Variants in SPAG16 observed in about 807,000 individuals in gnomAD.
SPAG16 encodes sperm associated antigen 16.
In SPAG16, 86 loss-of-function variants were observed where a neutral mutation model predicts 80.4. That is an observed-to-expected ratio of 1.07 (90% CI 0.90 to 1.28). The LOEUF is 1.28. SPAG16 is among the 50% of genes most tolerant of loss of function. SPAG16 has a pLI of 0.00. For missense variants in SPAG16, 870 were observed against 765.3 expected (o/e 1.14, Z -1.61); for synonymous variants, 294 against 265.9 (o/e 1.11, Z -1.03).
At chr2:214,302,039 A>T (rs577243446) in intron 15 of SPAG16, among the ~76,000 whole-genome samples, 1 of 152,156 alleles carries the variant, frequency 6.6e-6, no homozygotes, top group Non-Finnish European at 1.5e-5. Flanking sequence ...TTGTTTGCCC[A>T]AAAGTTATTC....
At chr2:213,284,665 G>A (rs761661221) in intron 1 of SPAG16, 46 bp downstream of exon 1, 23 of 1,584,546 alleles carry the variant, frequency 1.5e-5, no homozygotes, top group Admixed American at 8.7e-5. Context: ...GCGGGTAATG[G>A]GTGTTGGGAC....
At chr2:214,394,368 T>A (rs1701247101) in intron 15 of SPAG16, among the ~76,000 whole-genome samples, 2 of 152,190 alleles carry the variant, frequency 1.3e-5, no homozygotes, top group African/African-American at 4.8e-5. Flanking sequence ...TTATTTCATT[T>A]ACTTAAAATC....
At chr2:213,642,764 T>C (rs1485929566) in intron 10 of SPAG16, among the ~76,000 whole-genome samples, 1 of 37,882 alleles carries the variant, frequency 2.6e-5, no homozygotes, top group East Asian at 6.4e-4. Context: ...GAGCTTGCAG[T>C]GAGCCGAGAT....
chr2:213,912,874 TG>T (rs1329601096), intron 11 of SPAG16, among the ~76,000 whole-genome samples: 1 of 152,136 alleles, frequency 6.6e-6, no homozygotes, highest in Non-Finnish European at 1.5e-5. Context: ...CACTGAAATT[TG>T]AAGTCATTTG....
chr2:214,099,804 T>A (rs1477202613), intron 13 of SPAG16, among the ~76,000 whole-genome samples: 1 of 152,118 alleles, frequency 6.6e-6, no homozygotes, highest in Non-Finnish European at 1.5e-5. Context: ...ATGTTTTTAC[T>A]AAGAAGGGCA....
chr2:213,719,844 C>T (rs2066434313), intron 10 of SPAG16, among the ~76,000 whole-genome samples: 1 of 152,086 alleles, frequency 6.6e-6, no homozygotes, highest in Non-Finnish European at 1.5e-5. Flanking sequence ...TGAGTATATA[C>T]CCAAAGGATT....
intron 15 of SPAG16, among the ~76,000 whole-genome samples, chr2:214,154,369 A>G (rs1204272345): frequency 6.6e-6 from 1 of 152,162 alleles, no homozygotes; most frequent in African/African-American, 2.4e-5. Context: ...TCCAGTAGAA[A>G]GCTTATCAGT....
At chr2:213,318,207 G>A (rs909157231) in intron 5 of SPAG16, among the ~76,000 whole-genome samples, 1 of 151,908 alleles carries the variant, frequency 6.6e-6, no homozygotes, top group Non-Finnish European at 1.5e-5. Context: ...ACACTCTTAC[G>A]TTTATTGCAG....
intron 15 of SPAG16, among the ~76,000 whole-genome samples, chr2:214,199,816 C>T (rs189254223): frequency 2.6e-5 from 4 of 152,148 alleles, no homozygotes; most frequent in East Asian, 1.9e-4. Flanking sequence ...GATCTTTCAC[C>T]TCCTTGGTTA....
intron 7 of SPAG16, among the ~76,000 whole-genome samples, chr2:213,358,642 T>C (rs1393601757): frequency 6.6e-6 from 1 of 152,220 alleles, no homozygotes; most frequent in Non-Finnish European, 1.5e-5. Flanking sequence ...CTGTTTATTA[T>C]AGTTAGCCAT....
chr2:214,395,737 G>C (rs1701329179), intron 15 of SPAG16, among the ~76,000 whole-genome samples: 1 of 151,426 alleles, frequency 6.6e-6, no homozygotes. Context: ...TTGTGTCCTT[G>C]TGTTCTTATC....
At chr2:213,898,943 T>C (rs2077103260) in intron 11 of SPAG16, among the ~76,000 whole-genome samples, 1 of 151,956 alleles carries the variant, frequency 6.6e-6, no homozygotes, top group Admixed American at 6.6e-5. Context: ...ACATGAGAGG[T>C]AATTAGTCAA....
intron 15 of SPAG16, among the ~76,000 whole-genome samples, chr2:214,209,228 G>T (rs752547117): frequency 6.6e-5 from 10 of 152,076 alleles, no homozygotes; most frequent in Non-Finnish European, 1.2e-4. Context: ...ATCTCTTCAT[G>T]CCTGATGTCC....
chr2:213,916,385 G>T (rs1208417280), intron 11 of SPAG16, among the ~76,000 whole-genome samples: 2 of 152,128 alleles, frequency 1.3e-5, no homozygotes, highest in African/African-American at 4.8e-5. Flanking sequence ...TTTCCCCATT[G>T]CCTGTTTTTC....
chr2:213,868,219 C>T (rs958266102), intron 11 of SPAG16, among the ~76,000 whole-genome samples: 1 of 149,284 alleles, frequency 6.7e-6, no homozygotes, highest in African/African-American at 2.4e-5. Context: ...TTGTGCCAAA[C>T]TCATCCTATT....
At position 214,396,096 on chromosome 2, in the gene SPAG16, G is replaced by A. The variant is rs192003703; in HGVS notation, c.1721-14044G>A. On this transcript the variant is annotated intron_variant, in intron 15 of 15. Coordinates refer to ENST00000331683, the MANE Select transcript of SPAG16 (RefSeq NM_024532.5). ...GTAATTCTGCTTCAAGTTCTTCTGC[G>A]ACTCATCACACTGCTTTCCACAATG... Among the ~76,000 whole-genome samples, 37 of 152,144 alleles carry A rather than the reference G, an allele frequency of 2.4e-4. No individual in the cohort carries two copies. The East Asian group carries it at 5.0e-3, about 21-fold the overall frequency.
rs538739322 is a variant in SPAG16, at chr2:213,671,213, A to G, written c.1070+181123A>G. On this transcript the variant is annotated intron_variant, in intron 10 of 15. Transcript: ENST00000331683. Reference sequence around the variant, plus strand: ...GACTGATATTGTTTAGGATAAAGCTAAATAAAATTTATAAATAAGTCGATT... The same window carrying G: ...GACTGATATTGTTTAGGATAAAGCTGAATAAAATTTATAAATAAGTCGATT... Among the ~76,000 whole-genome samples the G allele has an allele frequency of 1.5e-3, 233 of 152,374 alleles. 2 individuals are homozygous for G. The highest frequency in any genetic ancestry group is 5.3e-3 in the African/African-American group (220 of 41,592).
chr2:213,505,260 A>C (rs1271495221), intron 10 of SPAG16, among the ~76,000 whole-genome samples: 1 of 152,186 alleles, frequency 6.6e-6, no homozygotes, highest in Non-Finnish European at 1.5e-5. Context: ...ACAATGTCAA[A>C]ACTACTAGCT....
chr2:213,781,921 A>G (rs1207693039), intron 10 of SPAG16, among the ~76,000 whole-genome samples: 3 of 152,188 alleles, frequency 2.0e-5, no homozygotes, highest in African/African-American at 7.2e-5. Flanking sequence ...TTCATAGTAC[A>G]TTTTATAACT....
Sources: allele counts gnomAD v4.1 joint callset (sites outside exome capture counted in the v4.1 genomes callset), GRCh38; gene constraint gnomAD v4.1.1; transcripts MANE v1.5; gene names NCBI Gene and HGNC (gene_info 2026-07-23, HGNC 2026-07-21).